Variants in TBATA observed in about 807,000 individuals in gnomAD.
TBATA encodes the protein thymus, brain and testes associated, also known as protein TBATA.
A neutral mutation model predicts 38.7 loss-of-function variants in TBATA; 47 were observed. That is an observed-to-expected ratio of 1.21 (90% CI 0.96 to 1.55). TBATA has a LOEUF of 1.55. Ranked by LOEUF, TBATA falls within the 40% of genes most tolerant of loss-of-function variation. The pLI is 0.00. For missense variants in TBATA, 436 were observed against 435.6 expected (o/e 1.00, Z -0.01); for synonymous variants, 183 against 170.5 (o/e 1.07, Z -0.57).
intron 8 of TBATA, 57 bp from the exon 9 acceptor site, chr10:70,774,414 TGGC>T: frequency 6.6e-7 from 1 of 1,509,680 alleles, no homozygotes; most frequent in Non-Finnish European, 8.9e-7. Flanking sequence ...CCTGTCCCTG[TGGC>T]GGGGCCAGAA....
intron 3 of TBATA, chr10:70,782,736 G>A: frequency 2.6e-6 from 2 of 760,950 alleles, no homozygotes; most frequent in Non-Finnish European, 3.2e-6. Context: ...AGGACGCTAT[G>A]CATCTGCCCT....
At chr10:70,780,669 C>T (rs1844092849) in intron 4 of TBATA, among the ~76,000 whole-genome samples, 2 of 152,114 alleles carry the variant, frequency 1.3e-5, no homozygotes, top group South Asian at 4.1e-4. Context: ...CATCTCGCAT[C>T]ACCCATCTCC....
chr10:70,779,887 G>T lies in TBATA; in HGVS notation c.278-145C>A, dbSNP rs115107787. 3,193 of 865,258 alleles carry T rather than the reference G, an allele frequency of 3.7e-3. 74 individuals carry two copies. The African/African-American group carries it at 0.05, about 14-fold the overall frequency. The allele number at this position is 865,258 out of a possible 1,614,324, so 53.6% of individuals were successfully genotyped here. ...CTGATAGATTATCAGAGCTGGGAGG[G>T]CATTGTAACCACCTAGACCAGCGAC... On this transcript the variant is annotated intron_variant, in intron 4 of 10. Coordinates refer to ENST00000456372, the MANE Select transcript of TBATA (RefSeq NM_001318241.2).
chr10:70,778,516 T>A, intron 6 of TBATA, 41 bp downstream of exon 6: 1 of 1,583,064 alleles, frequency 6.3e-7, no homozygotes, highest in South Asian at 1.1e-5. Context: ...GAAGGATCCG[T>A]TTCTCCTCTT....
chr10:70,778,335 A>G (rs1446899801), intron 6 of TBATA, among the ~76,000 whole-genome samples: 1 of 152,038 alleles, frequency 6.6e-6, no homozygotes, highest in Admixed American at 6.6e-5. Context: ...CATCTCACTT[A>G]GATATCGAAG....
At chr10:70,782,592 C>G in intron 3 of TBATA, 1 of 985,436 alleles carries the variant, frequency 1.0e-6, no homozygotes, top group Non-Finnish European at 1.2e-6. Flanking sequence ...GGGGGTCCCT[C>G]CTAGGAGAGG....
At chr10:70,778,254 C>T (rs1305537166) in intron 6 of TBATA, among the ~76,000 whole-genome samples, 1 of 152,126 alleles carries the variant, frequency 6.6e-6, no homozygotes, top group Non-Finnish European at 1.5e-5. Context: ...TCTGATGGTG[C>T]CCTGCATTTG....
intron 7 of TBATA, 93 bp from the exon 8 acceptor site, chr10:70,775,363 C>T: frequency 1.8e-6 from 2 of 1,105,488 alleles, no homozygotes; most frequent in Non-Finnish European, 2.7e-6. Context: ...GACCCTTCCC[C>T]CAAAGTGGGC....
chr10:70,772,200 T>C, intron 10 of TBATA: 1 of 559,534 alleles, frequency 1.8e-6, no homozygotes, highest in Non-Finnish European at 3.5e-6. Flanking sequence ...GCCTTGTTAT[T>C]CTCCTTACAG....
intron 10 of TBATA, among the ~76,000 whole-genome samples, chr10:70,771,803 C>T (rs1842818340): frequency 1.3e-5 from 2 of 152,120 alleles, no homozygotes; most frequent in African/African-American, 4.8e-5. Flanking sequence ...GCCACCCCTG[C>T]CCCCCACTCT....
chr10:70,776,279 C>G (rs142048450), intron 7 of TBATA: 21 of 454,560 alleles, frequency 4.6e-5, no homozygotes, highest in African/African-American at 4.2e-4. Context: ...GCTGACCCAC[C>G]CTGACCTGCC....
chr10:70,779,516 G>T, intron 5 of TBATA, 77 bp downstream of exon 5: 1 of 1,407,380 alleles, frequency 7.1e-7, no homozygotes, highest in Admixed American at 3.0e-5. Context: ...TTTCCTTCTG[G>T]GCACCCACCC....
chr10:70,781,723 C>T (rs1229635949), intron 4 of TBATA, 78 bp downstream of exon 4: 7 of 1,357,096 alleles, frequency 5.2e-6, no homozygotes, highest in Non-Finnish European at 7.3e-6. Flanking sequence ...AATGGGCTGC[C>T]ATCAATTCTT....
In TBATA at chr10:70,783,385, G is replaced by A. The variant is rs375897324; in HGVS notation, c.-6C>T. 1.9e-6 allele frequency: 3 copies of A among 1,614,110 alleles called. No homozygotes were observed. The highest frequency in any genetic ancestry group is 2.5e-6 in the Non-Finnish European group (3 of 1,179,960). ...AATTGAACATCTGTAGCCATTGTAT[G>A]CTTTTTAACAGACTAAAGGCCAGTG... On this transcript the variant is annotated 5_prime_UTR_variant, in exon 3 of 11. Transcript: ENST00000456372.
In TBATA at chr10:70,781,783, C is replaced by T; in HGVS notation, c.277+18G>A. The T allele has an allele frequency of 6.2e-7, 1 of 1,610,022 alleles. No homozygotes were observed. The highest frequency in any genetic ancestry group is 1.1e-5 in the South Asian group (1 of 90,958). ...AGTGATACTCCCTCTGCTCCCACCC[C>T]AACCAGCCAGGCCCTACCTTGGATG... On this transcript the variant is annotated intron_variant, in intron 4 of 10. Transcript: ENST00000456372.
intron 2 of TBATA, among the ~76,000 whole-genome samples, chr10:70,784,318 T>C (rs965564417): frequency 3.3e-5 from 5 of 152,212 alleles, no homozygotes; most frequent in Non-Finnish European, 7.3e-5. Flanking sequence ...TTGGGTGGTG[T>C]ATTTGCTTGT....
At chr10:70,778,404 C>T (rs979523381) in intron 6 of TBATA, 153 bp downstream of exon 6, 3 of 794,202 alleles carry the variant, frequency 3.8e-6, no homozygotes, top group Non-Finnish European at 6.6e-6. Context: ...TAGGTGTGCT[C>T]TCTCCCTCAC....
At chr10:70,771,695 G>C (rs564942479) in intron 10 of TBATA, among the ~76,000 whole-genome samples, 1 of 152,306 alleles carries the variant, frequency 6.6e-6, no homozygotes, top group Non-Finnish European at 1.5e-5. Flanking sequence ...TGCCTACTCT[G>C]TGCCTCTCTG....
At chr10:70,777,990 A>T in intron 6 of TBATA, 1 of 323,946 alleles carries the variant, frequency 3.1e-6, no homozygotes, top group Non-Finnish European at 6.1e-6. Context: ...GTTACCCAAG[A>T]CAAGGGGCAG....
Sources: allele counts gnomAD v4.1 joint callset (sites outside exome capture counted in the v4.1 genomes callset), GRCh38; gene constraint gnomAD v4.1.1; transcripts MANE v1.5; gene names NCBI Gene and HGNC (gene_info 2026-07-23, HGNC 2026-07-21).